Variants in CREB3L2 observed in about 807,000 individuals in gnomAD.
The protein encoded by CREB3L2 is cAMP responsive element binding protein 3 like 2, also known as cyclic AMP-responsive element-binding protein 3-like protein 2.
A neutral mutation model predicts 57.2 loss-of-function variants in CREB3L2; 23 were observed. That is an observed-to-expected ratio of 0.40 (90% CI 0.29 to 0.57). CREB3L2 has a LOEUF of 0.57. Ranked by LOEUF, CREB3L2 falls within the 20% of genes least tolerant of loss-of-function variation. CREB3L2 has a pLI of 0.42. For synonymous variants in CREB3L2, 268 were observed against 265.1 expected, an observed-to-expected ratio of 1.01 and a Z score of -0.11; for missense variants, 628 against 634.7, an observed-to-expected ratio of 0.99 and a Z score of 0.11.
At chr7:137,884,526 G>T in intron 10 of CREB3L2, 1 of 229,708 alleles carries the variant, frequency 4.4e-6, no homozygotes, top group Non-Finnish European at 8.6e-6. Context: ...GGGGTTACAG[G>T]CGTGAGCCAC....
intron 1 of CREB3L2, among the ~76,000 whole-genome samples, chr7:137,949,566 C>T (rs1370160115): frequency 6.6e-6 from 1 of 152,110 alleles, no homozygotes; most frequent in Non-Finnish European, 1.5e-5. Context: ...AGCCTCTTCC[C>T]ACACCCCTTT....
At chr7:137,965,436 G>C (rs559476806) in intron 1 of CREB3L2, among the ~76,000 whole-genome samples, 11 of 152,242 alleles carry the variant, frequency 7.2e-5, no homozygotes, top group Non-Finnish European at 1.5e-4. Context: ...TCGAATCAAT[G>C]ACAAAAGCCC....
rs745531578 is a variant in CREB3L2 at position 137,928,342 on chromosome 7, A to T, written c.127T>A (p.Phe43Ile). Residue 43 changes from phenylalanine to isoleucine, a missense_variant, in exon 2 of 12, where the codon TTT (phenylalanine) becomes ATT (isoleucine). Physicochemically the swap from Phe to Ile is conservative, Grantham distance 21 (BLOSUM62 0). Coordinates refer to ENST00000330387, the MANE Select transcript of CREB3L2 (RefSeq NM_194071.4). The part of the protein sequence containing the change: ...HTHFSELLDE[F>I]SQNVLGQLLN... ...AGCTGACCCAAGACGTTCTGGGAAAACTCATCCAGAAGTTCTGAGAAGTGC... is the reference window on the plus strand; with the variant it reads ...AGCTGACCCAAGACGTTCTGGGAAATCTCATCCAGAAGTTCTGAGAAGTGC... 6.2e-7 allele frequency: 1 copy of T among 1,613,964 alleles called. No individual in the cohort carries two copies. Among genetic ancestry groups the T allele is most frequent in the South Asian group, 1.1e-5 (1 of 91,022 alleles).
chr7:137,987,398 A>AT (rs760903832), intron 1 of CREB3L2, among the ~76,000 whole-genome samples: 1 of 152,206 alleles, frequency 6.6e-6, no homozygotes, highest in Non-Finnish European at 1.5e-5. Context: ...GCAAAAAAAA[A>AT]CAAAAAACAA....
intron 1 of CREB3L2, among the ~76,000 whole-genome samples, chr7:137,947,908 A>G (rs541411968): frequency 4.0e-4 from 61 of 152,252 alleles, no homozygotes; most frequent in South Asian, 1.7e-3. Flanking sequence ...GGAGGTTTAT[A>G]ACTGTGCCAG....
Position 137,986,659 on chromosome 7 carries a change from G to T in CREB3L2, c.102+14945C>A, listed in dbSNP as rs112547925. The stretch of plus-strand genomic sequence containing the variant: ...TGAGCAATCTGCAGACAAGAGGACA[G>T]TCAGAATCCCACACCGAAACTGGGA... On this transcript the variant is annotated intron_variant, in intron 1 of 11. Coordinates refer to ENST00000330387, the MANE Select transcript of CREB3L2 (RefSeq NM_194071.4). Among the ~76,000 whole-genome samples, 4 of 152,318 alleles carry T rather than the reference G, an allele frequency of 2.6e-5. 1 individual carries two copies. Among genetic ancestry groups the T allele is most frequent in the African/African-American group, 9.6e-5 (4 of 41,576 alleles).
intron 2 of CREB3L2, among the ~76,000 whole-genome samples, chr7:137,921,534 T>C (rs779815247): frequency 2.0e-5 from 3 of 152,098 alleles, no homozygotes; most frequent in South Asian, 2.1e-4. Flanking sequence ...GCCAAGGTAA[T>C]AGCAACATCA....
chr7:137,891,411 A>G (rs529800056), intron 8 of CREB3L2, among the ~76,000 whole-genome samples: 49 of 152,354 alleles, frequency 3.2e-4, no homozygotes, highest in South Asian at 8.3e-4. Context: ...TATTTACAAA[A>G]GAAAGAATGA....
chr7:137,877,145 C>T lies in CREB3L2; in HGVS notation c.*3331G>A, dbSNP rs1023068686. 2.2e-5 allele frequency: 5 copies of T among 226,558 alleles called. No individual in the cohort carries two copies. The highest frequency in any genetic ancestry group is 6.7e-5 in the African/African-American group (3 of 44,666). The allele number at this position is 226,558 out of a possible 1,614,324, so 14.0% of individuals were successfully genotyped here. A position where few individuals can be genotyped will look rare whatever the true frequency, so the allele number is the denominator to read the frequency against. On this transcript the variant is annotated 3_prime_UTR_variant, in exon 12 of 12. Transcript: ENST00000330387. ...ATTCAACATCCCAACTTTACGGGCA[C>T]GTAAGATTCACAAGCTGAACCAAGA... is the stretch of plus-strand genomic sequence containing the variant.
At chr7:137,952,912 G>T (rs1801131633) in intron 1 of CREB3L2, among the ~76,000 whole-genome samples, 1 of 152,154 alleles carries the variant, frequency 6.6e-6, no homozygotes, top group South Asian at 2.1e-4. Flanking sequence ...CCGCCTCCCG[G>T]GTTCCAGCGA....
intron 10 of CREB3L2, among the ~76,000 whole-genome samples, chr7:137,883,056 G>T (rs1799332921): frequency 6.6e-6 from 1 of 152,218 alleles, no homozygotes; most frequent in South Asian, 2.1e-4. Context: ...ATCTCATTTA[G>T]AAAGGGAAGA....
At chr7:137,992,675 G>A (rs1206918810) in intron 1 of CREB3L2, among the ~76,000 whole-genome samples, 1 of 152,224 alleles carries the variant, frequency 6.6e-6, no homozygotes, top group Non-Finnish European at 1.5e-5. Flanking sequence ...AGAGAGAAGA[G>A]AAGGCCAAGT....
intron 3 of CREB3L2, among the ~76,000 whole-genome samples, chr7:137,915,255 G>GA (rs1266501523): frequency 2.0e-5 from 3 of 151,820 alleles, no homozygotes; most frequent in African/African-American, 4.8e-5. Flanking sequence ...ATCTAGTAAG[G>GA]AAAAAATCCT....
At chr7:137,979,453 G>A (rs543788950) in intron 1 of CREB3L2, among the ~76,000 whole-genome samples, 55 of 152,230 alleles carry the variant, frequency 3.6e-4, no homozygotes, top group South Asian at 1.5e-3. Flanking sequence ...CCGGCCGGGC[G>A]CGGTGGCTCA....
At chr7:137,916,805 C>T (rs74821088) in intron 2 of CREB3L2, among the ~76,000 whole-genome samples, 1 of 151,518 alleles carries the variant, frequency 6.6e-6, no homozygotes, top group Non-Finnish European at 1.5e-5. Flanking sequence ...AGAGCGAGAG[C>T]GAGTGACAGC....
chr7:137,885,173 C>T (rs1799388041), intron 9 of CREB3L2, 52 bp from the exon 10 acceptor site: 1 of 1,599,678 alleles, frequency 6.3e-7, no homozygotes, highest in African/African-American at 1.3e-5. Flanking sequence ...GGACTTCAGC[C>T]TCTGGACAGC....
intron 1 of CREB3L2, among the ~76,000 whole-genome samples, chr7:137,963,742 GCAGGGATAATTATGTC>G (rs1252692470): frequency 2.6e-5 from 4 of 152,168 alleles, no homozygotes; most frequent in Non-Finnish European, 5.9e-5. Flanking sequence ...AATTGCCGAA[GCAGGGATAATTATGTC>G]CAGGGATAAT....
chr7:137,976,569 G>A (rs1801610887), intron 1 of CREB3L2, among the ~76,000 whole-genome samples: 1 of 152,090 alleles, frequency 6.6e-6, no homozygotes, highest in Non-Finnish European at 1.5e-5. Flanking sequence ...ATATTTCATT[G>A]TTCCTGCTTA....
chr7:137,988,772 G>A (rs1328852237), intron 1 of CREB3L2, among the ~76,000 whole-genome samples: 3 of 152,110 alleles, frequency 2.0e-5, no homozygotes, highest in Non-Finnish European at 4.4e-5. Flanking sequence ...AGAGATAGAT[G>A]GACTTATCTG....
Sources: gnomAD v4.1 joint callset for allele counts (sites outside exome capture counted in the v4.1 genomes callset) on GRCh38, gnomAD v4.1.1 for gene constraint, MANE v1.5 for transcripts, NCBI Gene and HGNC (gene_info 2026-07-23, HGNC 2026-07-21) for gene names.